MNX1: variants seen among roughly 807,000 people sequenced by gnomAD.
MNX1 encodes motor neuron and pancreas homeobox protein 1.
In MNX1, 2 loss-of-function variants were observed where a neutral mutation model predicts 17.3. That is an observed-to-expected ratio of 0.12 (90% CI 0.05 to 0.36). The LOEUF (loss-of-function observed/expected upper bound fraction) is 0.36. MNX1 is among the 10% of genes least tolerant of loss of function. MNX1 has a pLI of 1.00. For missense variants in MNX1, 556 were observed against 564.7 expected (o/e 0.98, Z 0.16); for synonymous variants, 306 against 283.1 (o/e 1.08, Z -0.81).
chr7:157,008,964 T>A (rs1355058502), intron 1 of MNX1: 1 of 1,532,652 alleles, frequency 6.5e-7, no homozygotes, highest in East Asian at 2.4e-5. Flanking sequence ...GAACAGGGGC[T>A]CCCTCGGCCC....
Position 157,010,024 on chromosome 7 carries a change from C to T in MNX1, c.327G>A (p.Gly109=). The T allele has an allele frequency of 1.0e-6, 1 of 996,106 alleles. No individual in the cohort carries two copies. The highest frequency in any genetic ancestry group is 1.2e-6 in the Non-Finnish European group (1 of 839,434). The allele number at this position is 996,106 out of a possible 1,614,324, so 61.7% of individuals were successfully genotyped here. A position where few individuals can be genotyped will look rare whatever the true frequency, so the allele number is the denominator to read the frequency against. Residue 109 remains glycine (G), a synonymous_variant, in exon 1 of 3, where the codon GGG becomes GGA. Transcript: ENST00000252971. The part of the protein sequence containing the change: ...AGGGGGGTGG[G]HGGPHHHAHP... ...GCGCGTGGTGGTGGGGCCCCCCGTG[C>T]CCGCCGCCCGTGCCGCCGCCGCCGC...
rs769514466 is a variant in MNX1 at position 157,006,671 on chromosome 7, C to T, written c.692-32G>A. On this transcript the variant is annotated intron_variant, in intron 1 of 2. Transcript: ENST00000252971. This position sits in a 1 kb window ranked among gnomAD's most constrained non-coding sequence, Gnocchi z 6.3. ...ACCAAAGGGCAGTGAGGCCCACAGC[C>T]GGCTCCGGTCCTCGCCCCAGCCCCT... 6.5e-6 allele frequency: 10 copies of T among 1,544,126 alleles called. No homozygotes were observed. The Admixed American group carries it at 7.8e-5, about 12-fold the overall frequency.
chr7:157,006,853 A>ATGTTTTTTTTTTTTTTT lies in MNX1; in HGVS notation c.692-215_692-214insAAAAAAAAAAAAAAACA, dbSNP rs1805610182. On this transcript the variant is annotated intron_variant, in intron 1 of 2. Coordinates refer to ENST00000252971, the MANE Select transcript of MNX1 (RefSeq NM_005515.4). This position sits in a 1 kb window ranked among gnomAD's most constrained non-coding sequence, Gnocchi z 6.3. ...GGATAGTTTGGAGTTAATGAGACCA[A>ATGTTTTTTTTTTTTTTT]TTTTTTTTTTTTTTTTTGTCTAGGA... The ATGTTTTTTTTTTTTTTT allele has an allele frequency of 3.8e-6, 1 of 260,074 alleles. No individual in the cohort carries two copies. The highest frequency in any genetic ancestry group is 6.6e-6 in the Non-Finnish European group (1 of 150,900). The allele number at this position is 260,074 out of a possible 1,614,324, so 16.1% of individuals were successfully genotyped here. A position where few individuals can be genotyped will look rare whatever the true frequency, so the allele number is the denominator to read the frequency against.
At position 157,006,518 on chromosome 7, in the gene MNX1, G is replaced by T; in HGVS notation, c.813C>A (p.Arg271=). Residue 271 remains arginine (R), a synonymous_variant, in exon 2 of 3, where the codon CGC becomes CGA. Coordinates refer to ENST00000252971, the MANE Select transcript of MNX1 (RefSeq NM_005515.4). The surrounding 1 kb of genome is among the most constrained non-coding windows in gnomAD (Gnocchi z 6.3). ...GCATGAGCGAGGTGGCCACCTCGAAGCGCTTGGGCCGCGACAGGTACTTGT... is the reference window on the plus strand; with the variant it reads ...GCATGAGCGAGGTGGCCACCTCGAATCGCTTGGGCCGCGACAGGTACTTGT... ...KLNKYLSRPK[R]FEVATSLMLT... The T allele has an allele frequency of 1.2e-6, 2 of 1,611,336 alleles. No individual in the cohort carries two copies. Among genetic ancestry groups the T allele is most frequent in the Non-Finnish European group, 1.7e-6 (2 of 1,179,376 alleles).
At chr7:157,009,583 GA>G in intron 1 of MNX1, 76 bp downstream of exon 1, 1 of 1,560,294 alleles carries the variant, frequency 6.4e-7, no homozygotes, top group South Asian at 1.2e-5. Flanking sequence ...CAAGCGCAGA[GA>G]GGGGCAGGCG....
In MNX1 at chr7:157,006,932, C is replaced by G. The variant is rs972009618; in HGVS notation, c.692-293G>C. 3.9e-5 allele frequency: 11 copies of G among 280,346 alleles called. No homozygotes were observed. Among genetic ancestry groups the G allele is most frequent in the Non-Finnish European group, 6.6e-5 (10 of 151,910 alleles). 17.4% of individuals were successfully genotyped at this position (280,346 alleles called of 1,614,324 possible). On this transcript the variant is annotated intron_variant, in intron 1 of 2. Coordinates refer to ENST00000252971, the MANE Select transcript of MNX1 (RefSeq NM_005515.4). The surrounding 1 kb of genome is among the most constrained non-coding windows in gnomAD (Gnocchi z 6.3). ...CCCATCGCAGGAGGCTTCCTCTCCACAGGAGCCGGCTTTGGTAGCAGTGGA... is the reference window on the plus strand; with the variant it reads ...CCCATCGCAGGAGGCTTCCTCTCCAGAGGAGCCGGCTTTGGTAGCAGTGGA...
Position 157,006,375 on chromosome 7 carries a change from G to T in MNX1, c.852+104C>A. The T allele has an allele frequency of 1.5e-6, 2 of 1,318,842 alleles. No individual in the cohort carries two copies. Among genetic ancestry groups the T allele is most frequent in the South Asian group, 1.4e-5 (1 of 73,114 alleles). 81.7% of individuals were successfully genotyped at this position (1,318,842 alleles called of 1,614,324 possible). A position where few individuals can be genotyped will look rare whatever the true frequency, so the allele number is the denominator to read the frequency against. On this transcript the variant is annotated intron_variant, in intron 2 of 2. Coordinates refer to ENST00000252971, the MANE Select transcript of MNX1 (RefSeq NM_005515.4). The surrounding 1 kb of genome is among the most constrained non-coding windows in gnomAD (Gnocchi z 6.3). ...CCGTGCGCCCGCCGTCTGAACCGTC[G>T]AGGCGCAGCGCTAGATGCCTCAGAC...
chr7:157,009,685 G>A lies in MNX1; in HGVS notation c.666C>T (p.Ile222=), dbSNP rs1805671671. 6.2e-7 allele frequency: 1 copy of A among 1,609,004 alleles called. No homozygotes were observed. Among genetic ancestry groups the A allele is most frequent in the Non-Finnish European group, 8.5e-7 (1 of 1,179,074 alleles). The change falls in exon 1 of 3, where the codon ATC becomes ATT. Residue 222 remains isoleucine, a synonymous_variant. Coordinates refer to ENST00000252971, the MANE Select transcript of MNX1 (RefSeq NM_005515.4). ...AGTTGAAGTCGGGCATCTTAGGCAG[G>A]ATCATGCCCGCGGTGGACGCGCGCA... ...QWLRASTAGM[I]LPKMPDFNSQ... is the part of the protein sequence containing the mutation.
In MNX1 at chr7:157,005,824, T is replaced by C; in HGVS notation, c.902A>G (p.Lys301Arg). The change falls in exon 3 of 3, where the codon AAG (lysine) becomes AGG (arginine). Residue 301 changes from lysine (K) to arginine (R), a missense_variant. Around this residue, in one of 7 missense-constraint regions of MNX1, gnomAD observed 178 missense variants for 155.2 expected, o/e 1.15. Coordinates refer to ENST00000252971, the MANE Select transcript of MNX1 (RefSeq NM_005515.4). ...TTCCTGCGCCGCCTGCTCTTTGGCC[T>C]TTTTGCTGCGTTTCCATTTCATCCG... ...NRRMKWKRSKKAKEQAAQEAE... is the reference protein window; with the variant it reads ...NRRMKWKRSKRAKEQAAQEAE... 6.2e-7 allele frequency: 1 copy of C among 1,612,270 alleles called. No individual in the cohort carries two copies. The highest frequency in any genetic ancestry group is 1.1e-5 in the South Asian group (1 of 91,076).
rs887607 is a variant in MNX1 at position 157,006,010 on chromosome 7, A to G, written c.853-137T>C. ...CCTCAGGGTGAGACGACTTAGAAGC[A>G]GAATGGGGAGGGGGCTCGTAGCTTC... On this transcript the variant is annotated intron_variant, in intron 2 of 2. Transcript: ENST00000252971. The surrounding 1 kb of genome is among the most constrained non-coding windows in gnomAD (Gnocchi z 6.3). 0.45 allele frequency: 399,526 copies of G among 893,336 alleles called. 96,796 individuals are homozygous for G. Among genetic ancestry groups the G allele is most frequent in the African/African-American group, 0.84 (50,647 of 60,264 alleles). 55.3% of individuals were successfully genotyped at this position (893,336 alleles called of 1,614,324 possible). A position where few individuals can be genotyped will look rare whatever the true frequency, so the allele number is the denominator to read the frequency against.
chr7:157,009,874 G>A lies in MNX1; in HGVS notation c.477C>T (p.Tyr159=), dbSNP rs1383903808. 8 of 1,452,570 alleles carry A rather than the reference G, an allele frequency of 5.5e-6. No homozygotes were observed. Among genetic ancestry groups the A allele is most frequent in the Non-Finnish European group, 7.2e-6 (8 of 1,109,174 alleles). The allele number at this position is 1,452,570 out of a possible 1,614,324, so 90.0% of individuals were successfully genotyped here. Residue 159 remains tyrosine, a synonymous_variant, in exon 1 of 3, where the codon TAC becomes TAT. Coordinates refer to ENST00000252971, the MANE Select transcript of MNX1 (RefSeq NM_005515.4). ...CGGAGTAGCCGTAGACCGGGTGGCC[G>A]TAGAGCGCCGCCTGCGCCGGGAGGC... ...GAGLPAQAAL[Y]GHPVYGYSAA...
chr7:157,005,549 G>C lies in MNX1; in HGVS notation c.1177C>G (p.Arg393Gly), dbSNP rs898219266. The change falls in exon 3 of 3, where the codon CGG (arginine) becomes GGG (glycine). Residue 393 changes from arginine to glycine, a missense_variant. Arg to Gly is a moderately radical substitution (Grantham distance 125). Transcript: ENST00000252971. ...CSSEDDSPPP[R>G]PSHQPAPQ ...TGGGGCGCGGGCTGGTGGCTGGGCC[G>C]CGGGGGCGGCGAGTCGTCCTCCGAG... 8 of 1,544,458 alleles carry C rather than the reference G, an allele frequency of 5.2e-6. No homozygotes were observed. In the African/African-American group the frequency reaches 1.1e-4, roughly 22 times the overall value.
At chr7:157,005,985 C>T in intron 2 of MNX1, 112 bp from the exon 3 acceptor site, 1 of 1,247,456 alleles carries the variant, frequency 8.0e-7, no homozygotes, top group Non-Finnish European at 1.1e-6. Flanking sequence ...CCTGGAATGG[C>T]CTCAGGGTGA....
At position 157,006,852 on chromosome 7, in the gene MNX1, A is replaced by ATTTTTTT; in HGVS notation, c.692-214_692-213insAAAAAAA. ...TGGATAGTTTGGAGTTAATGAGACCAATTTTTTTTTTTTTTTTTGTCTAGG... is the reference window on the plus strand; with the variant it reads ...TGGATAGTTTGGAGTTAATGAGACCATTTTTTTATTTTTTTTTTTTTTTTTGTCTAGG... On this transcript the variant is annotated intron_variant, in intron 1 of 2. Coordinates refer to ENST00000252971, the MANE Select transcript of MNX1 (RefSeq NM_005515.4). This position sits in a 1 kb window ranked among gnomAD's most constrained non-coding sequence, Gnocchi z 6.3. 2 of 327,640 alleles carry ATTTTTTT rather than the reference A, an allele frequency of 6.1e-6. No homozygotes were observed. Among genetic ancestry groups the ATTTTTTT allele is most frequent in the Non-Finnish European group, 9.8e-6 (2 of 204,336 alleles). 20.3% of individuals were successfully genotyped at this position (327,640 alleles called of 1,614,324 possible). A position where few individuals can be genotyped will look rare whatever the true frequency, so the allele number is the denominator to read the frequency against.
Position 157,009,005 on chromosome 7 carries a change from G to A in MNX1, c.691+655C>T, listed in dbSNP as rs373686150. 1.8e-5 allele frequency: 28 copies of A among 1,537,016 alleles called. No homozygotes were observed. The African/African-American group carries it at 3.7e-4, about 20-fold the overall frequency. ...TGGAGGGGCATTCGTTACCTTGTTGGGCGCCCAGGATTCCAGGGCAGGCAC... is the reference window on the plus strand; with the variant it reads ...TGGAGGGGCATTCGTTACCTTGTTGAGCGCCCAGGATTCCAGGGCAGGCAC... On this transcript the variant is annotated intron_variant, in intron 1 of 2. Coordinates refer to ENST00000252971, the MANE Select transcript of MNX1 (RefSeq NM_005515.4).
Position 157,005,779 on chromosome 7 carries a change from C to T in MNX1, c.947G>A (p.Gly316Asp). The change falls in exon 3 of 3, where the codon GGC (glycine) becomes GAC (aspartate). Residue 316 changes from glycine (G) to aspartate (D), a missense_variant. Gly to Asp is a moderately conservative substitution (Grantham distance 94). Transcript: ENST00000252971. ...AAQEAEKQKGGGGGAGKGGAE... is the reference protein window; with the variant it reads ...AAQEAEKQKGDGGGAGKGGAE... ...GCCGCCCTTCCCCGCGCCCCCGCCG[C>T]CGCCCTTCTGTTTCTCCGCTTCCTG... 1.2e-6 allele frequency: 2 copies of T among 1,610,854 alleles called. No individual in the cohort carries two copies. The highest frequency in any genetic ancestry group is 1.7e-6 in the Non-Finnish European group (2 of 1,179,734).
At chr7:157,008,874 G>C in intron 1 of MNX1, 1 of 1,001,350 alleles carries the variant, frequency 1.0e-6, no homozygotes, top group African/African-American at 1.6e-5. Flanking sequence ...AGGAAAGCCT[G>C]AGGGGCCCAG....
chr7:157,005,424 G>C lies in MNX1; in HGVS notation c.*96C>G, dbSNP rs1414041528. 105 of 914,636 alleles carry C rather than the reference G, an allele frequency of 1.1e-4. No individual in the cohort carries two copies. The East Asian group carries it at 4.2e-3, about 37-fold the overall frequency. The allele number at this position is 914,636 out of a possible 1,614,324, so 56.7% of individuals were successfully genotyped here. On this transcript the variant is annotated 3_prime_UTR_variant, in exon 3 of 3. Transcript: ENST00000252971. ...TGGGGCGGCGGTCGAGCCTGCTCTC[G>C]GGGCCGGGCCGGGTGGGTGCGGGCG...
In MNX1 at chr7:157,005,076, C is replaced by G; in HGVS notation, c.*444G>C. ...ACCCTTTTTTCTTTTTCCAAATACT[C>G]TGCAGAATGGCGGCTCCAGAGGCGG... On this transcript the variant is annotated 3_prime_UTR_variant, in exon 3 of 3. Coordinates refer to ENST00000252971, the MANE Select transcript of MNX1 (RefSeq NM_005515.4). 1 of 226,558 alleles carries G rather than the reference C, an allele frequency of 4.4e-6. No individual in the cohort carries two copies. The highest frequency in any genetic ancestry group is 1.4e-3 in the Middle Eastern group (1 of 738). 14.0% of individuals were successfully genotyped at this position (226,558 alleles called of 1,614,324 possible).
Sources: gnomAD v4.1 joint callset for allele counts on GRCh38, gnomAD v4.1.1 for gene constraint, gnomAD v4.1.1 regional missense constraint, Gnocchi (gnomAD v3.1) non-coding constraint, MANE v1.5 for transcripts, NCBI Gene and HGNC (gene_info 2026-07-23, HGNC 2026-07-21) for gene names.